Variants in ACTL6A observed in about 807,000 individuals in gnomAD.
The protein encoded by ACTL6A is actin-like protein 6A.
In ACTL6A, 5 loss-of-function variants were observed where a neutral mutation model predicts 59.2. That is an observed-to-expected ratio of 0.08 (90% CI 0.04 to 0.18). ACTL6A has a LOEUF of 0.18. ACTL6A is among the 10% of genes least tolerant of loss of function. ACTL6A has a pLI of 1.00. For missense variants in ACTL6A, 285 were observed against 526.9 expected, an observed-to-expected ratio of 0.54 and a Z score of 4.49; for synonymous variants, 154 against 171.8, an observed-to-expected ratio of 0.90 and a Z score of 0.81.
At chr3:179,566,279 G>T (rs1189352114) in intron 1 of ACTL6A, among the ~76,000 whole-genome samples, 2 of 152,188 alleles carry the variant, frequency 1.3e-5, no homozygotes, top group Non-Finnish European at 2.9e-5. Context: ...CAGTATTTAG[G>T]TAGAAGTTGA....
In ACTL6A at chr3:179,570,652, GACCA is replaced by G. The variant is rs1380161269; in HGVS notation, c.277+412_277+415del. ...CTGACAAAGCTGGGTAAAGCAAAGG[GACCA>G]GCATGTGTGAAGGGATGGAATTGTG... On this transcript the variant is annotated intron_variant, in intron 3 of 13. Coordinates refer to ENST00000429709, the MANE Select transcript of ACTL6A (RefSeq NM_004301.5). This position sits in a 1 kb window ranked among gnomAD's most constrained non-coding sequence, Gnocchi z 4.3. Among the ~76,000 whole-genome samples, 1 of 152,202 alleles carries G rather than the reference GACCA, an allele frequency of 6.6e-6. No homozygotes were observed. The highest frequency in any genetic ancestry group is 1.5e-5 in the Non-Finnish European group (1 of 68,036).
intron 11 of ACTL6A, among the ~76,000 whole-genome samples, chr3:179,581,480 C>G (rs568708697): frequency 6.6e-6 from 1 of 152,192 alleles, no homozygotes. Flanking sequence ...AAACTCAATT[C>G]TTCAGTTGTA....
In ACTL6A at chr3:179,562,962, T is replaced by G. The variant is rs977571137; in HGVS notation, c.-131T>G. The stretch of plus-strand genomic sequence containing the variant: ...AGCTCCGGGGTGTGTGGACGCCGCT[T>G]TGTTGCCTGAGGTGGGTGGCGGTGG... On this transcript the variant is annotated 5_prime_UTR_variant, in exon 1 of 14. Transcript: ENST00000429709. 1.6e-6 allele frequency: 2 copies of G among 1,242,358 alleles called. No homozygotes were observed. Among genetic ancestry groups the G allele is most frequent in the African/African-American group, 1.5e-5 (1 of 67,366 alleles). 77.0% of individuals were successfully genotyped at this position (1,242,358 alleles called of 1,614,324 possible).
At position 179,586,598 on chromosome 3, in the gene ACTL6A, G is replaced by A. The variant is rs1348674570; in HGVS notation, c.1175G>A (p.Ser392Asn). Residue 392 changes from serine (S) to asparagine (N), a missense_variant, in exon 13 of 14, where the codon AGC becomes AAC. Ser to Asn is a conservative substitution (Grantham distance 46). Transcript: ENST00000429709. Reference protein sequence around the residue: ...ANNTTVERRFSSWIGGSILAS... With the variant: ...ANNTTVERRFNSWIGGSILAS... ...AATACAACAGTGGAACGGAGGTTTA[G>A]CTCATGGATTGGCGGCTCCATTCTA... The A allele has an allele frequency of 6.2e-7, 1 of 1,600,886 alleles. No homozygotes were observed. The highest frequency in any genetic ancestry group is 8.5e-7 in the Non-Finnish European group (1 of 1,176,286).
intron 13 of ACTL6A, among the ~76,000 whole-genome samples, chr3:179,587,082 A>G (rs1439314486): frequency 6.6e-6 from 1 of 152,134 alleles, no homozygotes; most frequent in Non-Finnish European, 1.5e-5. Flanking sequence ...TTGGACTACC[A>G]TCTGCCTTGA....
chr3:179,580,036 G>A (rs1036560039), intron 8 of ACTL6A, among the ~76,000 whole-genome samples: 1 of 152,134 alleles, frequency 6.6e-6, no homozygotes, highest in African/African-American at 2.4e-5. Context: ...GCCTCTTAAA[G>A]TGCTGAGATT....
intron 8 of ACTL6A, among the ~76,000 whole-genome samples, chr3:179,580,170 G>A (rs1014750957): frequency 1.3e-5 from 2 of 152,170 alleles, no homozygotes; most frequent in African/African-American, 4.8e-5. Flanking sequence ...CTAGATATTA[G>A]ACAAGATTTT....
At chr3:179,587,885 G>A (rs778607378) in intron 13 of ACTL6A, 45 bp from the exon 14 acceptor site, 3 of 1,530,780 alleles carry the variant, frequency 2.0e-6, no homozygotes. Flanking sequence ...GCCATTTCTA[G>A]TAAGAAGTAA....
At chr3:179,573,574 G>A (rs1718079415) in intron 4 of ACTL6A, 105 bp downstream of exon 4, 3 of 738,840 alleles carry the variant, frequency 4.1e-6, no homozygotes, top group Admixed American at 7.6e-5. Context: ...TCTTTAAAGA[G>A]GCATAGAAAT....
intron 11 of ACTL6A, among the ~76,000 whole-genome samples, chr3:179,582,511 A>C (rs1052010330): frequency 5.3e-5 from 8 of 152,246 alleles, no homozygotes; most frequent in African/African-American, 1.9e-4. Context: ...TGCAAAAGAG[A>C]AAAGTAGCAA....
chr3:179,587,846 C>A, intron 13 of ACTL6A, 84 bp from the exon 14 acceptor site: 1 of 1,014,284 alleles, frequency 9.9e-7, no homozygotes, highest in East Asian at 2.7e-5. Flanking sequence ...CAGAGCAAGA[C>A]CTTCTCTCAA....
intron 11 of ACTL6A, among the ~76,000 whole-genome samples, chr3:179,581,569 T>C (rs1287101341): frequency 6.6e-6 from 1 of 152,250 alleles, no homozygotes; most frequent in Admixed American, 6.5e-5. Flanking sequence ...CAGAAAGTTA[T>C]TGTAGACTGC....
intron 1 of ACTL6A, among the ~76,000 whole-genome samples, chr3:179,563,733 G>A (rs752817006): frequency 1.1e-4 from 17 of 152,226 alleles, no homozygotes; most frequent in Non-Finnish European, 2.2e-4. Context: ...TCTCCAGAGT[G>A]ACTCGTGGGC....
intron 11 of ACTL6A, among the ~76,000 whole-genome samples, chr3:179,582,257 C>G (rs1718361682): frequency 6.6e-6 from 1 of 152,080 alleles, no homozygotes; most frequent in Non-Finnish European, 1.5e-5. Context: ...GAAGTTTCTC[C>G]TTTTAACTAA....
At chr3:179,579,487 C>CACACACACACAT (rs1200267344) in intron 8 of ACTL6A, among the ~76,000 whole-genome samples, 1 of 151,666 alleles carries the variant, frequency 6.6e-6, no homozygotes, top group African/African-American at 2.4e-5. Flanking sequence ...CACACACACA[C>CACACACACACAT]ACATTTTAAA....
chr3:179,576,583 T>G (rs765186027), intron 6 of ACTL6A, 37 bp from the exon 7 acceptor site: 2 of 1,524,338 alleles, frequency 1.3e-6, no homozygotes, highest in East Asian at 4.5e-5. Flanking sequence ...AAGTTTGGAC[T>G]TACTGCCCTC....
rs568540454 is a variant in ACTL6A, at chr3:179,583,937, A to G, written c.1122+489A>G. 1.1e-4 allele frequency among the ~76,000 whole-genome samples: 16 copies of G among 152,368 alleles called. No individual in the cohort carries two copies. The South Asian group carries it at 3.3e-3, about 32-fold the overall frequency. ...AGGGAATAAAACCATTTACAAAAAT[A>G]CTAAGAGAAGACAGGTATGTTCCAG... On this transcript the variant is annotated intron_variant, in intron 12 of 13. Coordinates refer to ENST00000429709, the MANE Select transcript of ACTL6A (RefSeq NM_004301.5).
chr3:179,569,782 C>G, intron 1 of ACTL6A, 42 bp from the exon 2 acceptor site: 1 of 1,570,246 alleles, frequency 6.4e-7, no homozygotes, highest in Non-Finnish European at 8.8e-7. Flanking sequence ...TCATATGATA[C>G]TTTTGCAAGC....
chr3:179,585,903 T>C (rs1001872830), intron 12 of ACTL6A, among the ~76,000 whole-genome samples: 4 of 152,118 alleles, frequency 2.6e-5, no homozygotes, highest in African/African-American at 7.2e-5. Context: ...TAACCTGATA[T>C]CTGATGGTTG....
Sources: allele counts gnomAD v4.1 joint callset (sites outside exome capture counted in the v4.1 genomes callset), GRCh38; gene constraint gnomAD v4.1.1; non-coding constraint Gnocchi (gnomAD v3.1); transcripts MANE v1.5; gene names NCBI Gene and HGNC (gene_info 2026-07-23, HGNC 2026-07-21).